The following PPP4R2 variants were observed in gnomAD, a reference collection of about 807,000 sequenced individuals.
PPP4R2 encodes protein phosphatase 4 regulatory subunit 2.
A neutral mutation model predicts 47.2 loss-of-function variants in PPP4R2; 13 were observed. The observed-to-expected ratio is 0.28, with a 90% confidence interval of 0.18 to 0.44. The LOEUF (loss-of-function observed/expected upper bound fraction) is 0.44, where lower values mean the gene tolerates loss of function less well. Among genes scored for constraint, PPP4R2 ranks in the 20% least tolerant of loss-of-function variants. The pLI is 1.00. For missense variants in PPP4R2, 421 were observed against 491.2 expected (o/e 0.86, Z 1.35); for synonymous variants, 151 against 163.3 (o/e 0.92, Z 0.57).
intron 3 of PPP4R2, among the ~76,000 whole-genome samples, chr3:73,052,184 AT>A (rs1690817509): frequency 1.3e-5 from 2 of 151,762 alleles, no homozygotes; most frequent in African/African-American, 4.8e-5. Context: ...AAGTATATTT[AT>A]ATCTATTTTG....
intron 2 of PPP4R2, among the ~76,000 whole-genome samples, chr3:73,005,020 A>G (rs1208842238): frequency 6.7e-6 from 1 of 148,370 alleles, no homozygotes; most frequent in African/African-American, 2.5e-5. Flanking sequence ...CTGTTGCCCA[A>G]GCTGGAGTGC....
At chr3:73,027,102 CATTACAGTTCAAATATGAATCT>C (rs1702082004) in intron 2 of PPP4R2, among the ~76,000 whole-genome samples, 1 of 152,112 alleles carries the variant, frequency 6.6e-6, no homozygotes, top group Non-Finnish European at 1.5e-5. Context: ...TTTTATTATG[CATTACAGTTCAAATATGAATCT>C]ATTCCCCTGT....
intron 2 of PPP4R2, among the ~76,000 whole-genome samples, chr3:73,033,221 C>T (rs1702202926): frequency 6.6e-6 from 1 of 152,240 alleles, no homozygotes; most frequent in East Asian, 1.9e-4. Flanking sequence ...ATTTGATAGT[C>T]TGGTTATTCT....
chr3:73,063,250 C>A (rs1029387631), intron 5 of PPP4R2: 21 of 287,944 alleles, frequency 7.3e-5, no homozygotes, highest in Non-Finnish European at 1.1e-4. Flanking sequence ...CCCGTAAGAT[C>A]TTGAGGGGGG....
At chr3:73,002,782 C>T (rs1224563798) in intron 2 of PPP4R2, among the ~76,000 whole-genome samples, 1 of 151,512 alleles carries the variant, frequency 6.6e-6, no homozygotes, top group Non-Finnish European at 1.5e-5. Flanking sequence ...GCTGGGATTA[C>T]AGGCATGCGC....
At chr3:73,048,223 A>T (rs529098094) in intron 3 of PPP4R2, among the ~76,000 whole-genome samples, 4 of 151,460 alleles carry the variant, frequency 2.6e-5, no homozygotes, top group African/African-American at 9.7e-5. Flanking sequence ...CTGTCATTTT[A>T]AATTCTATTT....
chr3:73,004,875 TTGTTTGTTTGTG>T (rs1332620329), intron 2 of PPP4R2, among the ~76,000 whole-genome samples: 35 of 68,794 alleles, frequency 5.1e-4, no homozygotes, highest in African/African-American at 2.1e-3. Flanking sequence ...GTGTGTTTGT[TTGTTTGTTTGTG>T]TGTGTGTGTT....
chr3:73,017,852 C>T (rs1285045894), intron 2 of PPP4R2, among the ~76,000 whole-genome samples: 5 of 151,814 alleles, frequency 3.3e-5, no homozygotes, highest in Non-Finnish European at 5.9e-5. Context: ...TTCAGCCTTC[C>T]GTGTAGCTGG....
chr3:73,043,867 C>T (rs1191290105), intron 2 of PPP4R2, among the ~76,000 whole-genome samples: 1 of 152,196 alleles, frequency 6.6e-6, no homozygotes, highest in Non-Finnish European at 1.5e-5. Flanking sequence ...CAGAACTTTT[C>T]ATTTACACAA....
chr3:73,007,792 A>G (rs538297705), intron 2 of PPP4R2, among the ~76,000 whole-genome samples: 3 of 152,222 alleles, frequency 2.0e-5, no homozygotes, highest in Admixed American at 6.5e-5. Flanking sequence ...CCCGGCCTCT[A>G]TGGGGTTTCT....
At chr3:73,029,883 G>A (rs1176438544) in intron 2 of PPP4R2, among the ~76,000 whole-genome samples, 1 of 152,206 alleles carries the variant, frequency 6.6e-6, no homozygotes, top group East Asian at 1.9e-4. Flanking sequence ...AATATTGTTA[G>A]TGAGACATTT....
chr3:73,036,996 CAG>C (rs886340646), intron 2 of PPP4R2, among the ~76,000 whole-genome samples: 18 of 152,272 alleles, frequency 1.2e-4, no homozygotes, highest in African/African-American at 4.1e-4. Context: ...ATTTCAGTAA[CAG>C]ATATTTTAAG....
chr3:73,030,870 T>A (rs924459776), intron 2 of PPP4R2, among the ~76,000 whole-genome samples: 11 of 151,822 alleles, frequency 7.2e-5, no homozygotes, highest in Non-Finnish European at 1.5e-4. Flanking sequence ...CCTGGCTAAT[T>A]TTTGTATTTT....
chr3:72,998,046 T>A, intron 1 of PPP4R2, 31 bp from the exon 2 acceptor site: 2 of 1,511,624 alleles, frequency 1.3e-6, no homozygotes, highest in Non-Finnish European at 1.8e-6. Context: ...TTGAGAAAAC[T>A]GATAACGTTT....
intron 3 of PPP4R2, 97 bp from the exon 4 acceptor site, chr3:73,058,940 G>C: frequency 1.5e-6 from 1 of 687,544 alleles, no homozygotes; most frequent in Non-Finnish European, 2.5e-6. Context: ...CTTAATACAT[G>C]GGTGACTAGA....
chr3:73,060,172 C>G (rs780046985), intron 4 of PPP4R2, among the ~76,000 whole-genome samples: 44 of 152,060 alleles, frequency 2.9e-4, no homozygotes, highest in Admixed American at 5.9e-4. Context: ...AATCAAAAAC[C>G]ATTACATAGT....
chr3:73,042,552 A>G (rs1362342237), intron 2 of PPP4R2, among the ~76,000 whole-genome samples: 1 of 151,592 alleles, frequency 6.6e-6, no homozygotes, highest in Non-Finnish European at 1.5e-5. Flanking sequence ...TTTAGTAGAG[A>G]CAGGATTTCA....
At chr3:73,043,822 T>G (rs1051451540) in intron 2 of PPP4R2, among the ~76,000 whole-genome samples, 29 of 152,350 alleles carry the variant, frequency 1.9e-4, no homozygotes, top group African/African-American at 6.7e-4. Context: ...GTAAGTACAC[T>G]CACGATGTAT....
At chr3:73,062,358 C>T (rs748752166) in intron 5 of PPP4R2, 7 of 1,603,534 alleles carry the variant, frequency 4.4e-6, no homozygotes, top group South Asian at 3.4e-5. Flanking sequence ...TGCATTGGAA[C>T]CCCAACCCAG....
Sources: gnomAD v4.1 joint callset for allele counts (sites outside exome capture counted in the v4.1 genomes callset) on GRCh38, gnomAD v4.1.1 for gene constraint, MANE v1.5 for transcripts, NCBI Gene and HGNC (gene_info 2026-07-23, HGNC 2026-07-21) for gene names.